Variants in PCDHGA9 observed in about 807,000 individuals in gnomAD.
PCDHGA9 encodes the protein protocadherin gamma-A9.
A neutral mutation model predicts 62.5 loss-of-function variants in PCDHGA9; 37 were observed. That is an observed-to-expected ratio of 0.59 (90% CI 0.46 to 0.78). PCDHGA9 has a LOEUF of 0.78. PCDHGA9 is among the 30% of genes least tolerant of loss of function. PCDHGA9 has a pLI of 0.00. For synonymous variants in PCDHGA9, 459 were observed against 484.6 expected (o/e 0.95, Z 0.69); for missense variants, 1,138 against 1,166.2 (o/e 0.98, Z 0.35).
Position 141,490,148 on chromosome 5 carries a change from A to T in PCDHGA9, c.2425-4659A>T. On this transcript the variant is annotated intron_variant, in intron 1 of 3. Transcript: ENST00000573521. This position sits in a 1 kb window ranked among gnomAD's most constrained non-coding sequence, Gnocchi z 5.4. The stretch of plus-strand genomic sequence containing the variant: ...CTAGACCCTAGCAGTGGGGCAATCC[A>T]TGTGTTGGGTCCCATAGACTTTGAG... The T allele has an allele frequency of 6.2e-7, 1 of 1,614,232 alleles. No homozygotes were observed. The highest frequency in any genetic ancestry group is 1.3e-5 in the African/African-American group (1 of 75,068).
rs759346998 is a variant in PCDHGA9, at chr5:141,410,849, CTTTTTTTTTT to C, written c.2424+5486_2424+5495del. Reference sequence around the variant, plus strand: ...CAGACTGAAGATATTTTGTCTTTGTCTTTTTTTTTTTTTTTTTTTTTTGAGATGGAGTCTC... The same window carrying C: ...CAGACTGAAGATATTTTGTCTTTGTCTTTTTTTTTTTTGAGATGGAGTCTC... On this transcript the variant is annotated intron_variant, in intron 1 of 3. Coordinates refer to ENST00000573521, the MANE Select transcript of PCDHGA9 (RefSeq NM_018921.3). 8 of 138,182 alleles carry C rather than the reference CTTTTTTTTTT, an allele frequency of 5.8e-5. 2 individuals are homozygous for C. The highest frequency in any genetic ancestry group is 7.3e-5 in the Non-Finnish European group (6 of 82,424). 8.6% of individuals were successfully genotyped at this position (138,182 alleles called of 1,614,324 possible). A position where few individuals can be genotyped will look rare whatever the true frequency, so the allele number is the denominator to read the frequency against.
intron 1 of PCDHGA9, among the ~76,000 whole-genome samples, chr5:141,433,573 C>T (rs1400327372): frequency 1.3e-5 from 2 of 152,046 alleles, no homozygotes; most frequent in Admixed American, 1.3e-4. Flanking sequence ...CGGTGGCTCA[C>T]GCCTGTAATC....
rs1004061582 is a variant in PCDHGA9, at chr5:141,477,406, A to C, written c.2425-17401A>C. ...AATACAACCTCAGCATCACCGCCCG[A>C]GACGCCGGAACCCCTTCCCTCTCAG... On this transcript the variant is annotated intron_variant, in intron 1 of 3. Transcript: ENST00000573521. The surrounding 1 kb of genome is among the most constrained non-coding windows in gnomAD (Gnocchi z 4.9). 6.2e-7 allele frequency: 1 copy of C among 1,614,036 alleles called. No homozygotes were observed. Among genetic ancestry groups the C allele is most frequent in the Admixed American group, 1.7e-5 (1 of 59,994 alleles).
Position 141,402,947 on chromosome 5 carries a change from G to A in PCDHGA9, c.-6G>A. ...CCTTTTGAGAAAATTCCAAAGCGAG[G>A]CAGCAATGGCAGCTCCAACCAAATG... On this transcript the variant is annotated 5_prime_UTR_variant, in exon 1 of 4. Transcript: ENST00000573521. 6.3e-7 allele frequency: 1 copy of A among 1,592,724 alleles called. No individual in the cohort carries two copies. The highest frequency in any genetic ancestry group is 1.1e-5 in the South Asian group (1 of 88,854).
intron 1 of PCDHGA9, chr5:141,409,804 C>T (rs766279863): frequency 6.2e-7 from 1 of 1,611,772 alleles, no homozygotes; most frequent in South Asian, 1.1e-5. Context: ...CGCTGCAGGC[C>T]CGCGACCACG....
At position 141,486,047 on chromosome 5, in the gene PCDHGA9, C is replaced by G. The variant is rs763394605; in HGVS notation, c.2425-8760C>G. The G allele has an allele frequency of 3.1e-6, 5 of 1,614,172 alleles. No homozygotes were observed. The East Asian group carries it at 6.7e-5, about 22-fold the overall frequency. On this transcript the variant is annotated intron_variant, in intron 1 of 3. Transcript: ENST00000573521. This position sits in a 1 kb window ranked among gnomAD's most constrained non-coding sequence, Gnocchi z 5.0. ...TCATACCCCTGATCGTGTAAGAAAC[C>G]TCTTTAGCCTGCACCCCACTACTGG...
At chr5:141,427,732 G>T in intron 1 of PCDHGA9, 1 of 1,190,370 alleles carries the variant, frequency 8.4e-7, no homozygotes, top group Non-Finnish European at 1.2e-6. Context: ...GGGCTGAATG[G>T]CCAAGTCTCC....
intron 1 of PCDHGA9, chr5:141,426,739 GC>G (rs1345744337): frequency 8.8e-6 from 4 of 453,408 alleles, no homozygotes; most frequent in Non-Finnish European, 1.8e-5. Flanking sequence ...ATTCGGTTTG[GC>G]CTGGAATCTG....
intron 1 of PCDHGA9, chr5:141,475,927 G>A: frequency 1.6e-6 from 1 of 628,480 alleles, no homozygotes; most frequent in South Asian, 2.1e-5. Flanking sequence ...CTGGAGATCG[G>A]GCCCCTGCCC....
intron 1 of PCDHGA9, among the ~76,000 whole-genome samples, chr5:141,460,807 A>G (rs2098998307): frequency 6.6e-6 from 1 of 151,962 alleles, no homozygotes; most frequent in Non-Finnish European, 1.5e-5. Context: ...ATATATATGT[A>G]TGTATACATA....
chr5:141,487,530 T>C lies in PCDHGA9; in HGVS notation c.2425-7277T>C. The stretch of plus-strand genomic sequence containing the variant: ...GCACCCACTCGGAGTGATAGCTTCA[T>C]GATGGTGAAGTCACCCAGTGCACCT... On this transcript the variant is annotated intron_variant, in intron 1 of 3. Coordinates refer to ENST00000573521, the MANE Select transcript of PCDHGA9 (RefSeq NM_018921.3). This position sits in a 1 kb window ranked among gnomAD's most constrained non-coding sequence, Gnocchi z 5.0. The C allele has an allele frequency of 6.2e-7, 1 of 1,614,218 alleles. No individual in the cohort carries two copies. The highest frequency in any genetic ancestry group is 8.5e-7 in the Non-Finnish European group (1 of 1,180,040).
rs1460175237 is a variant in PCDHGA9, at chr5:141,485,185, G to A, written c.2425-9622G>A. ...AGCGGGCGGCAGCAATGCTCCGCAAGGTGAGAAGCTGGACAGAAATCTGGC... is the reference window on the plus strand; with the variant it reads ...AGCGGGCGGCAGCAATGCTCCGCAAAGTGAGAAGCTGGACAGAAATCTGGC... On this transcript the variant is annotated intron_variant, in intron 1 of 3. Transcript: ENST00000573521. This position sits in a 1 kb window ranked among gnomAD's most constrained non-coding sequence, Gnocchi z 5.7. 3.1e-6 allele frequency: 5 copies of A among 1,613,528 alleles called. No individual in the cohort carries two copies. Among genetic ancestry groups the A allele is most frequent in the African/African-American group, 2.7e-5 (2 of 75,052 alleles).
Position 141,404,187 on chromosome 5 carries a change from G to A in PCDHGA9, c.1235G>A (p.Arg412Gln), listed in dbSNP as rs370199750. The A allele has an allele frequency of 3.1e-6, 5 of 1,613,124 alleles. No homozygotes were observed. The highest frequency in any genetic ancestry group is 1.3e-5 in the African/African-American group (1 of 74,962). The change falls in exon 1 of 4, where the codon CGA becomes CAA. Residue 412 changes from arginine to glutamine, a missense_variant. Arg to Gln is a conservative substitution (Grantham distance 43, BLOSUM62 1). Transcript: ENST00000573521. ...TTGTTGACGGCCCAAATTCTTGACCGAGAAAAAGCCTCAGAATATAATATC... is the reference window on the plus strand; with the variant it reads ...TTGTTGACGGCCCAAATTCTTGACCAAGAAAAAGCCTCAGAATATAATATC... The part of the protein sequence containing the change: ...YRLLTAQILD[R>Q]EKASEYNITV...
intron 1 of PCDHGA9, chr5:141,433,291 T>C: frequency 9.1e-7 from 1 of 1,094,048 alleles, no homozygotes; most frequent in Non-Finnish European, 1.3e-6. Context: ...ACTCCTAGGC[T>C]CAAGCAATTA....
intron 1 of PCDHGA9, chr5:141,433,226 C>G (rs1433770157): frequency 6.6e-7 from 1 of 1,514,890 alleles, no homozygotes; most frequent in Non-Finnish European, 9.0e-7. Context: ...TTTTTAATTG[C>G]TCTGTCTCCC....
At position 141,491,390 on chromosome 5, in the gene PCDHGA9, T is replaced by C; in HGVS notation, c.2425-3417T>C. 6.2e-7 allele frequency: 1 copy of C among 1,614,130 alleles called. No homozygotes were observed. Among genetic ancestry groups the C allele is most frequent in the Non-Finnish European group, 8.5e-7 (1 of 1,179,988 alleles). ...TTCACCTTTCTGTCAGCGAAGTGCC[T>C]TCAGGGAAACGCAGACGGGGACGGG... On this transcript the variant is annotated intron_variant, in intron 1 of 3. Coordinates refer to ENST00000573521, the MANE Select transcript of PCDHGA9 (RefSeq NM_018921.3). This position sits in a 1 kb window ranked among gnomAD's most constrained non-coding sequence, Gnocchi z 6.9.
At position 141,408,836 on chromosome 5, in the gene PCDHGA9, T is replaced by C. The variant is rs772595834; in HGVS notation, c.2424+3460T>C. The C allele has an allele frequency of 5.0e-6, 8 of 1,613,680 alleles. No individual in the cohort carries two copies. In the South Asian group the frequency reaches 6.6e-5, roughly 13 times the overall value. ...AGAACAGAGATCTCATAGCTTGATA[T>C]TGACTGCCTTGGACGGAGGGGACCC... On this transcript the variant is annotated intron_variant, in intron 1 of 3. Transcript: ENST00000573521.
Position 141,486,226 on chromosome 5 carries a change from A to G in PCDHGA9, c.2425-8581A>G, listed in dbSNP as rs889500362. 5.0e-6 allele frequency: 8 copies of G among 1,614,012 alleles called. No individual in the cohort carries two copies. The highest frequency in any genetic ancestry group is 6.8e-6 in the Non-Finnish European group (8 of 1,180,018). On this transcript the variant is annotated intron_variant, in intron 1 of 3. Transcript: ENST00000573521. This position sits in a 1 kb window ranked among gnomAD's most constrained non-coding sequence, Gnocchi z 5.0. ...TAAATGACAATGCCCCTTACATCACAGTGACCTCAGAGCTTGGAACCCTCC... is the reference window on the plus strand; with the variant it reads ...TAAATGACAATGCCCCTTACATCACGGTGACCTCAGAGCTTGGAACCCTCC...
Position 141,477,337 on chromosome 5 carries a change from C to T in PCDHGA9, c.2425-17470C>T. ...TTACTTCTTCCCTCAAGAATTACTT[C>T]ACTTTGAAAACCAGTGCAGACCTGG... On this transcript the variant is annotated intron_variant, in intron 1 of 3. Transcript: ENST00000573521. The surrounding 1 kb of genome is among the most constrained non-coding windows in gnomAD (Gnocchi z 4.9). The T allele has an allele frequency of 1.2e-6, 2 of 1,614,166 alleles. No individual in the cohort carries two copies. Among genetic ancestry groups the T allele is most frequent in the Non-Finnish European group, 1.7e-6 (2 of 1,180,028 alleles).
Sources: gnomAD v4.1 joint callset for allele counts (sites outside exome capture counted in the v4.1 genomes callset) on GRCh38, gnomAD v4.1.1 for gene constraint, Gnocchi (gnomAD v3.1) non-coding constraint, MANE v1.5 for transcripts, NCBI Gene and HGNC (gene_info 2026-07-23, HGNC 2026-07-21) for gene names.